Variants in SPTBN4 observed in about 807,000 individuals in gnomAD.
SPTBN4 encodes the protein spectrin beta chain, non-erythrocytic 4.
In SPTBN4, 96 loss-of-function variants were observed where a neutral mutation model predicts 277.8. The observed-to-expected ratio is 0.35, with a 90% CI of 0.29 to 0.41. SPTBN4 has a LOEUF of 0.41. Among genes scored for constraint, SPTBN4 ranks in the 10% least tolerant of loss-of-function variants. The pLI is 1.00. For synonymous variants in SPTBN4, 1,481 were observed against 1,580.3 expected, an observed-to-expected ratio of 0.94 and a Z score of 1.49; for missense variants, 3,006 against 3,595.7, an observed-to-expected ratio of 0.84 and a Z score of 4.19.
Position 40,504,033 on chromosome 19 carries a change from G to A in SPTBN4, c.1566G>A (p.Gly522=), listed in dbSNP as rs2080294003. 1.9e-6 allele frequency: 3 copies of A among 1,613,830 alleles called. No individual in the cohort carries two copies. The highest frequency in any genetic ancestry group is 2.7e-5 in the African/African-American group (2 of 74,866). ...SVLRQWALLT[G]LVGARRTRLE... ...TGCGCCAGTGGGCCCTGCTAACTGG[G>A]CTTGTGGGTGCCCGGCGGACACGAC... Residue 522 remains glycine (G), a synonymous_variant, in exon 12 of 36, where the codon GGG becomes GGA. Coordinates refer to ENST00000598249, the MANE Select transcript of SPTBN4 (RefSeq NM_020971.3).
intron 12 of SPTBN4, 39 bp from the exon 13 acceptor site, chr19:40,506,197 C>A (rs755558477): frequency 2.5e-6 from 4 of 1,580,098 alleles, no homozygotes; most frequent in Non-Finnish European, 8.6e-7. Context: ...TGGCCCAGGG[C>A]AGTGCCAGAG....
rs759569224 is a variant in SPTBN4 at position 40,504,151 on chromosome 19, G to T, written c.1665+19G>T. 1 of 969,668 alleles carries T rather than the reference G, an allele frequency of 1.0e-6. No homozygotes were observed. The highest frequency in any genetic ancestry group is 1.6e-6 in the Non-Finnish European group (1 of 639,100). 60.1% of individuals were successfully genotyped at this position (969,668 alleles called of 1,614,324 possible). A position where few individuals can be genotyped will look rare whatever the true frequency, so the allele number is the denominator to read the frequency against. On this transcript the variant is annotated intron_variant, in intron 12 of 35. Coordinates refer to ENST00000598249, the MANE Select transcript of SPTBN4 (RefSeq NM_020971.3). ...GATGCAGGTGCCGGCGGGGGGGCGG[G>T]GATGCGGGTGGAGTGCCAGGAGGGA...
Position 40,560,165 on chromosome 19 carries a change from C to A in SPTBN4, c.5677C>A (p.Gln1893Lys). 6.3e-7 allele frequency: 1 copy of A among 1,594,886 alleles called. No homozygotes were observed. Residue 1893 changes from glutamine to lysine, a missense_variant, in exon 27 of 36, where the codon CAG (glutamine) becomes AAG (lysine). Around this residue, in one of 5 missense-constraint regions of SPTBN4, gnomAD observed 425 missense variants for 594.7 expected, o/e 0.71. Coordinates refer to ENST00000598249, the MANE Select transcript of SPTBN4 (RefSeq NM_020971.3). The surrounding 1 kb of genome is among the most constrained non-coding windows in gnomAD (Gnocchi z 5.2). ...DLQLLVSQVR[Q>K]LQEGAAQLRT... The stretch of plus-strand genomic sequence containing the variant: ...GACCTGGCATGCCCTTCAGGTACGG[C>A]AGCTGCAGGAGGGGGCGGCCCAGCT...
Position 40,572,019 on chromosome 19 carries a change from G to A in SPTBN4, c.7320G>A (p.Arg2440=). Residue 2440 remains arginine (R), a splice_region_variant and synonymous_variant, in exon 34 of 36, where the codon CGG becomes CGA. Coordinates refer to ENST00000598249, the MANE Select transcript of SPTBN4 (RefSeq NM_020971.3). ...ELDANRKSSN[R]SWVSLYCVLS... ...CTTGAGCCCCATCTTGTCGCTCCAG[G>A]TCGTGGGTGAGCCTGTACTGTGTGC... The A allele has an allele frequency of 2.6e-6, 4 of 1,542,340 alleles. No homozygotes were observed. Among genetic ancestry groups the A allele is most frequent in the Non-Finnish European group, 3.5e-6 (4 of 1,144,840 alleles).
intron 17 of SPTBN4, among the ~76,000 whole-genome samples, chr19:40,528,212 T>C (rs549968615): frequency 2.0e-5 from 3 of 152,218 alleles, no homozygotes; most frequent in Non-Finnish European, 4.4e-5. Context: ...TGGGAGCCCA[T>C]GTGGGATGCC....
At chr19:40,469,282 T>A (rs1000844876) in intron 1 of SPTBN4, among the ~76,000 whole-genome samples, 16 of 152,096 alleles carry the variant, frequency 1.1e-4, no homozygotes, top group African/African-American at 3.9e-4. Context: ...CTTTTTCTTT[T>A]GAGAAGGAGT....
At chr19:40,503,701 C>A in intron 11 of SPTBN4, 129 bp from the exon 12 acceptor site, 1 of 1,040,472 alleles carries the variant, frequency 9.6e-7, no homozygotes. Context: ...GGCTGGTCTC[C>A]AGGATAACTA....
At chr19:40,509,892 T>A (rs2080372061) in intron 13 of SPTBN4, among the ~76,000 whole-genome samples, 1 of 152,068 alleles carries the variant, frequency 6.6e-6, no homozygotes, top group South Asian at 2.1e-4. Flanking sequence ...CTGGCTCAGC[T>A]CCCTCCCATC....
At chr19:40,489,939 AGAG>A (rs1261790033) in intron 3 of SPTBN4, 133 bp from the exon 4 acceptor site, 19 of 829,038 alleles carry the variant, frequency 2.3e-5, no homozygotes, top group Middle Eastern at 3.7e-4. Flanking sequence ...GGATAAAACG[AGAG>A]GAGGACAGCC....
Position 40,567,786 on chromosome 19 carries a change from G to A in SPTBN4, c.6460G>A (p.Glu2154Lys), listed in dbSNP as rs2145954923. The change falls in exon 31 of 36, where the codon GAA (glutamate) becomes AAA (lysine). Residue 2154 changes from glutamate (E) to lysine (K), a missense_variant. Around this residue, in one of 5 missense-constraint regions of SPTBN4, gnomAD observed 630 missense variants for 677.6 expected, o/e 0.93. Coordinates refer to ENST00000598249, the MANE Select transcript of SPTBN4 (RefSeq NM_020971.3). ...AAPLLRPGGY[E>K]RGLEPLARRA... ...GCCCCTGCTGCGGCCAGGGGGCTAT[G>A]AAAGGGGCTTGGAGCCCCTGGCCCG... The A allele has an allele frequency of 6.6e-7, 1 of 1,520,112 alleles. No individual in the cohort carries two copies. The allele number at this position is 1,520,112 out of a possible 1,614,324, so 94.2% of individuals were successfully genotyped here.
chr19:40,575,652 G>A lies in SPTBN4; in HGVS notation c.*83G>A. 3 of 1,470,836 alleles carry A rather than the reference G, an allele frequency of 2.0e-6. No individual in the cohort carries two copies. Among genetic ancestry groups the A allele is most frequent in the Non-Finnish European group, 2.7e-6 (3 of 1,108,312 alleles). The allele number at this position is 1,470,836 out of a possible 1,614,324, so 91.1% of individuals were successfully genotyped here. A position where few individuals can be genotyped will look rare whatever the true frequency, so the allele number is the denominator to read the frequency against. ...CAAAGACACTTTTTCTTCCGCAGGG[G>A]CGGGAGCCCCTAGTTCCAACACTGA... On this transcript the variant is annotated 3_prime_UTR_variant, in exon 36 of 36. Transcript: ENST00000598249.
In SPTBN4 at chr19:40,565,661, A is replaced by C; in HGVS notation, c.6055A>C (p.Ile2019Leu). 1 of 1,556,888 alleles carries C rather than the reference A, an allele frequency of 6.4e-7. No individual in the cohort carries two copies. Among genetic ancestry groups the C allele is most frequent in the South Asian group, 1.2e-5 (1 of 85,068 alleles). Residue 2019 changes from isoleucine to leucine, a missense_variant and splice_region_variant, in exon 29 of 36, where the codon ATC becomes CTC. Around this residue, in one of 5 missense-constraint regions of SPTBN4, gnomAD observed 425 missense variants for 594.7 expected, o/e 0.71. Transcript: ENST00000598249. ...CCTCCCACCCACCTGCCACTCCCAGATCCAGGCACAGCTGGACAAGCTGGG... is the reference window on the plus strand; with the variant it reads ...CCTCCCACCCACCTGCCACTCCCAGCTCCAGGCACAGCTGGACAAGCTGGG... The part of the protein sequence containing the change: ...LLNKSAMADE[I>L]QAQLDKLGTR...
At chr19:40,480,296 T>G (rs1024268756) in intron 2 of SPTBN4, among the ~76,000 whole-genome samples, 1 of 150,340 alleles carries the variant, frequency 6.7e-6, no homozygotes, top group African/African-American at 2.4e-5. Context: ...GGCATGAGCC[T>G]GTAGTCCTAG....
rs752966472 is a variant in SPTBN4, at chr19:40,556,084, C to T, written c.5085C>T (p.Ser1695=). The T allele has an allele frequency of 1.3e-5, 21 of 1,608,876 alleles. No individual in the cohort carries two copies. In the Admixed American group the frequency reaches 1.5e-4, roughly 12 times the overall value. ...RALLEMGHPD[S]EQISRRQSQV... ...CCTGCCCCTCCATGTCCCCCTTCAG[C>T]GAGCAGATCAGCCGGCGGCAGTCTC... is the stretch of plus-strand genomic sequence containing the variant. Residue 1695 remains serine, a splice_region_variant and synonymous_variant, in exon 25 of 36, where the codon AGC becomes AGT. Transcript: ENST00000598249.
At chr19:40,571,976 A>C (rs2081159611) in intron 33 of SPTBN4, 43 bp from the exon 34 acceptor site, 2 of 1,505,112 alleles carry the variant, frequency 1.3e-6, no homozygotes, top group African/African-American at 2.8e-5. Context: ...GTTATTAGGC[A>C]GAGTGCTGCG....
chr19:40,473,374 T>TTTTTTTTG (rs2079909466), intron 2 of SPTBN4, among the ~76,000 whole-genome samples: 1 of 146,770 alleles, frequency 6.8e-6, no homozygotes, highest in African/African-American at 2.5e-5. Context: ...TTTTTTTTTT[T>TTTTTTTTG]GAGACGGAGT....
At chr19:40,569,761 AC>A (rs780862884) in intron 32 of SPTBN4, 35 bp downstream of exon 32, 1 of 1,579,556 alleles carries the variant, frequency 6.3e-7, no homozygotes, top group Non-Finnish European at 8.6e-7. Context: ...GGATAGGAGG[AC>A]CCCTTTTTCA....
intron 12 of SPTBN4, among the ~76,000 whole-genome samples, chr19:40,504,472 G>A (rs905587234): frequency 6.6e-5 from 10 of 152,126 alleles, no homozygotes; most frequent in Non-Finnish European, 1.3e-4. Context: ...TTTCAGACCA[G>A]CCTGGCCAAC....
At chr19:40,479,433 T>C (rs924021638) in intron 2 of SPTBN4, among the ~76,000 whole-genome samples, 6 of 151,974 alleles carry the variant, frequency 3.9e-5, no homozygotes, top group Non-Finnish European at 8.8e-5. Flanking sequence ...AAATCTCAAA[T>C]CAATTTCTTC....
Sources: allele counts gnomAD v4.1 joint callset (sites outside exome capture counted in the v4.1 genomes callset), GRCh38; gene constraint gnomAD v4.1.1; regional missense constraint gnomAD v4.1.1; non-coding constraint Gnocchi (gnomAD v3.1); transcripts MANE v1.5; gene names NCBI Gene and HGNC (gene_info 2026-07-23, HGNC 2026-07-21).